KIF6: variants seen among roughly 807,000 people sequenced by gnomAD.
KIF6 encodes kinesin-like protein KIF6.
KIF6 carries 106 observed loss-of-function variants against 112.7 expected under a neutral mutation model. The observed-to-expected ratio is 0.94, with a 90% CI of 0.80 to 1.11. The LOEUF (loss-of-function observed/expected upper bound fraction) is 1.11, where lower values mean the gene tolerates loss of function less well. KIF6 is among the 50% of genes least tolerant of loss of function. The pLI, the probability that KIF6 is intolerant of heterozygous loss-of-function variation, is 0.00. For missense variants in KIF6, 929 were observed against 964.0 expected (o/e 0.96, Z 0.48); for synonymous variants, 339 against 339.9 (o/e 1.00, Z 0.03).
chr6:39,522,962 A>ATT lies in KIF6; in HGVS notation c.1645+17039_1645+17040dup, dbSNP rs1777480315. Among the ~76,000 whole-genome samples, 3 of 152,214 alleles carry ATT rather than the reference A, an allele frequency of 2.0e-5. No homozygotes were observed. The South Asian group carries it at 6.2e-4, about 32-fold the overall frequency. ...TCTGCTCTCATGGCTACAACAGTCAATTATACATTCATTTCTCTAATTAAG... is the reference window on the plus strand; with the variant it reads ...TCTGCTCTCATGGCTACAACAGTCAATTTTATACATTCATTTCTCTAATTAAG... On this transcript the variant is annotated intron_variant, in intron 13 of 22. Coordinates refer to ENST00000287152, the MANE Select transcript of KIF6 (RefSeq NM_145027.6).
At chr6:39,610,864 A>G (rs1477679204) in intron 6 of KIF6, among the ~76,000 whole-genome samples, 1 of 152,220 alleles carries the variant, frequency 6.6e-6, no homozygotes, top group East Asian at 1.9e-4. Context: ...AACCTATTAG[A>G]CTTGGTTTTT....
At chr6:39,715,716 A>G (rs1311098344) in intron 2 of KIF6, among the ~76,000 whole-genome samples, 2 of 152,056 alleles carry the variant, frequency 1.3e-5, no homozygotes, top group African/African-American at 2.4e-5. Context: ...CAGCTGACCT[A>G]CCTCCATTTT....
In KIF6 at chr6:39,616,326, T is replaced by C. The variant is rs147144737; in HGVS notation, c.510-3008A>G. Among the ~76,000 whole-genome samples, 252 of 152,336 alleles carry C rather than the reference T, an allele frequency of 1.7e-3. 8 individuals carry two copies. The East Asian group carries it at 0.041, about 25-fold the overall frequency. The stretch of plus-strand genomic sequence containing the variant: ...TTTGTCACAAAATACACTTTGTACA[T>C]GCCCTTGGCGTTTCTTCATAGAACT... On this transcript the variant is annotated intron_variant, in intron 5 of 22. Transcript: ENST00000287152.
intron 13 of KIF6, among the ~76,000 whole-genome samples, chr6:39,460,403 T>C (rs1317101224): frequency 5.5e-5 from 7 of 126,718 alleles, no homozygotes; most frequent in East Asian, 2.4e-4. Flanking sequence ...AGGGATAGCA[T>C]TGGGAGATAT....
At chr6:39,584,315 T>G (rs752847087) in intron 9 of KIF6, among the ~76,000 whole-genome samples, 31 of 149,272 alleles carry the variant, frequency 2.1e-4, no homozygotes, top group Non-Finnish European at 3.4e-4. Flanking sequence ...TCCCAGCTAC[T>G]TGGGAGGCTG....
intron 10 of KIF6, among the ~76,000 whole-genome samples, chr6:39,568,855 T>C (rs758179250): frequency 1.3e-5 from 2 of 152,096 alleles, no homozygotes; most frequent in African/African-American, 2.4e-5. Flanking sequence ...CTGGCCGAGA[T>C]TTTTCATTTT....
At chr6:39,608,894 AG>A (rs2150711476) in intron 6 of KIF6, among the ~76,000 whole-genome samples, 1 of 152,340 alleles carries the variant, frequency 6.6e-6, no homozygotes, top group African/African-American at 2.4e-5. Flanking sequence ...ACTAGTTGCC[AG>A]GTGCTGAGAG....
At chr6:39,632,175 T>C (rs1784386943) in intron 5 of KIF6, among the ~76,000 whole-genome samples, 1 of 107,152 alleles carries the variant, frequency 9.3e-6, no homozygotes, top group African/African-American at 6.6e-5. Flanking sequence ...CATCTTATAA[T>C]GTAAAAGAAA....
intron 6 of KIF6, among the ~76,000 whole-genome samples, chr6:39,599,770 A>T (rs1406661624): frequency 6.6e-6 from 1 of 152,194 alleles, no homozygotes; most frequent in African/African-American, 2.4e-5. Context: ...AATAACATGG[A>T]GACTTCTCAA....
intron 18 of KIF6, among the ~76,000 whole-genome samples, chr6:39,359,578 T>TTTA (rs35182743): frequency 0.051 from 7,767 of 151,528 alleles, 275 homozygotes; most frequent in African/African-American, 0.093. Flanking sequence ...AGCTATGTGA[T>TTTA]TTATTATTAT....
intron 3 of KIF6, among the ~76,000 whole-genome samples, chr6:39,675,055 A>G (rs1787052002): frequency 6.6e-6 from 1 of 152,072 alleles, no homozygotes; most frequent in Non-Finnish European, 1.5e-5. Context: ...GATTCTGGAT[A>G]AAATATAATA....
chr6:39,443,147 TAA>T (rs1772046674), intron 13 of KIF6, among the ~76,000 whole-genome samples: 1 of 136,984 alleles, frequency 7.3e-6, no homozygotes, highest in African/African-American at 2.9e-5. Context: ...ATAATAATAA[TAA>T]TAATAATAAT....
intron 5 of KIF6, among the ~76,000 whole-genome samples, chr6:39,625,583 G>A (rs1784049688): frequency 6.6e-6 from 1 of 152,144 alleles, no homozygotes; most frequent in Admixed American, 6.6e-5. Context: ...AAAGACTGGA[G>A]TTAGCTTTAA....
In KIF6 at chr6:39,529,068, G is replaced by A. The variant is rs148754008; in HGVS notation, c.1645+10935C>T. On this transcript the variant is annotated intron_variant, in intron 13 of 22. Coordinates refer to ENST00000287152, the MANE Select transcript of KIF6 (RefSeq NM_145027.6). ...TGCCAAGAATACACAAGGAGAAAAA[G>A]AGACTCTTCAATAAGTGGTGTTGGG... Among the ~76,000 whole-genome samples the A allele has an allele frequency of 1.7e-3, 253 of 152,290 alleles. 6 individuals are homozygous for A. In the East Asian group the frequency reaches 0.04, roughly 24 times the overall value.
intron 10 of KIF6, among the ~76,000 whole-genome samples, chr6:39,564,488 C>T (rs1780176222): frequency 3.3e-5 from 5 of 152,180 alleles, no homozygotes; most frequent in Admixed American, 2.0e-4. Flanking sequence ...GCAATCAGGG[C>T]AGGCTGAGAT....
intron 5 of KIF6, among the ~76,000 whole-genome samples, chr6:39,631,040 A>C (rs1365973228): frequency 6.6e-6 from 1 of 152,044 alleles, no homozygotes; most frequent in African/African-American, 2.4e-5. Flanking sequence ...GTAGTATATA[A>C]TTCTTTTTAT....
intron 13 of KIF6, among the ~76,000 whole-genome samples, chr6:39,497,961 GAAT>G (rs751126691): frequency 6.6e-6 from 1 of 152,072 alleles, no homozygotes; most frequent in Non-Finnish European, 1.5e-5. Context: ...TATAAACTAG[GAAT>G]CTAGGATGTC....
At chr6:39,620,342 A>G (rs2446649) in intron 5 of KIF6, 41,682 of 152,034 alleles carry the variant, frequency 0.27, 7,524 homozygotes, top group African/African-American at 0.52. Flanking sequence ...TTTTATAGTG[A>G]TAGTACCACA....
At chr6:39,682,261 C>T (rs1307449306) in intron 3 of KIF6, among the ~76,000 whole-genome samples, 2 of 152,190 alleles carry the variant, frequency 1.3e-5, no homozygotes, top group East Asian at 3.8e-4. Context: ...AACATCATAG[C>T]ATGTACTTAC....
Sources: allele counts gnomAD v4.1 joint callset (sites outside exome capture counted in the v4.1 genomes callset), GRCh38; gene constraint gnomAD v4.1.1; transcripts MANE v1.5; gene names NCBI Gene and HGNC (gene_info 2026-07-23, HGNC 2026-07-21).